The following CCDC7 variants were observed in gnomAD, a reference collection of about 807,000 sequenced individuals.
The protein encoded by CCDC7 is coiled-coil domain containing 7.
CCDC7 carries 183 observed loss-of-function variants against 196.9 expected under a neutral mutation model. The ratio of observed to expected loss-of-function variants is 0.93; its 90% CI spans 0.82 to 1.05. The LOEUF (loss-of-function observed/expected upper bound fraction) is 1.05. Ranked by LOEUF, CCDC7 falls within the 50% of genes least tolerant of loss-of-function variation. The probability of loss-of-function intolerance (pLI) is 0.00; values close to 1 mark genes in which losing one functional copy is unlikely to be tolerated. For missense variants in CCDC7, 1,540 were observed against 1,482.2 expected (o/e 1.04, Z -0.64); for synonymous variants, 525 against 484.6 (o/e 1.08, Z -1.10).
At chr10:32,477,704 G>C (rs1173732812) in intron 8 of CCDC7, among the ~76,000 whole-genome samples, 6 of 152,098 alleles carry the variant, frequency 3.9e-5, no homozygotes, top group African/African-American at 1.4e-4. Flanking sequence ...CTGTTTGCTT[G>C]TCTGTCTATT....
chr10:32,728,653 A>G (rs1210879179), intron 26 of CCDC7, among the ~76,000 whole-genome samples: 3 of 152,216 alleles, frequency 2.0e-5, no homozygotes, highest in African/African-American at 7.2e-5. Flanking sequence ...ATTATGTATT[A>G]AAGTATAAAC....
intron 28 of CCDC7, among the ~76,000 whole-genome samples, chr10:32,752,665 G>C (rs2075837154): frequency 6.6e-6 from 1 of 152,106 alleles, no homozygotes; most frequent in Non-Finnish European, 1.5e-5. Flanking sequence ...CCTGTGAAAA[G>C]TTTGCTTCTC....
chr10:32,677,918 A>T (rs1041875720), intron 21 of CCDC7, among the ~76,000 whole-genome samples: 2 of 151,828 alleles, frequency 1.3e-5, no homozygotes, highest in Non-Finnish European at 2.9e-5. Flanking sequence ...TTTGTTTCTC[A>T]TAATAAGAAA....
At chr10:32,551,286 C>T (rs1388099632) in intron 13 of CCDC7, among the ~76,000 whole-genome samples, 5 of 151,960 alleles carry the variant, frequency 3.3e-5, no homozygotes, top group Non-Finnish European at 5.9e-5. Context: ...TGGATTTTCT[C>T]TCTTCTTTTC....
chr10:32,498,140 T>C (rs144681801), intron 9 of CCDC7, among the ~76,000 whole-genome samples: 62 of 152,322 alleles, frequency 4.1e-4, no homozygotes, highest in African/African-American at 1.4e-3. Context: ...CCCTTTATGA[T>C]TATGTAATGC....
chr10:32,486,160 G>C (rs2041041463), intron 8 of CCDC7, among the ~76,000 whole-genome samples: 1 of 152,164 alleles, frequency 6.6e-6, no homozygotes, highest in East Asian at 1.9e-4. Flanking sequence ...CCAAGGACTT[G>C]CTTTATGAAT....
intron 20 of CCDC7, among the ~76,000 whole-genome samples, chr10:32,637,435 G>C (rs915490228): frequency 7.9e-5 from 12 of 152,192 alleles, no homozygotes; most frequent in Non-Finnish European, 1.6e-4. Context: ...TCCAGTTTCA[G>C]CTTTCTCCAT....
At chr10:32,756,894 G>A (rs2076554115) in intron 28 of CCDC7, among the ~76,000 whole-genome samples, 1 of 152,148 alleles carries the variant, frequency 6.6e-6, no homozygotes, top group Admixed American at 6.6e-5. Context: ...CAAAATAAAG[G>A]GATGGAGGAA....
chr10:32,677,954 G>C (rs1294341114), intron 21 of CCDC7, among the ~76,000 whole-genome samples: 4 of 151,740 alleles, frequency 2.6e-5, no homozygotes, highest in Non-Finnish European at 4.4e-5. Context: ...CTTAGAGTTT[G>C]TTGCTTTGCT....
At chr10:32,472,338 C>A in intron 6 of CCDC7, 143 bp from the exon 8 acceptor site, 2 of 685,590 alleles carry the variant, frequency 2.9e-6, no homozygotes, top group Non-Finnish European at 2.1e-6. Context: ...ACCTTAGTGT[C>A]TGTGAGTAAA....
At chr10:32,454,277 C>A (rs1442587038) in intron 2 of CCDC7, among the ~76,000 whole-genome samples, 6 of 151,850 alleles carry the variant, frequency 4.0e-5, no homozygotes, top group South Asian at 2.1e-4. Context: ...TGGTGATTAC[C>A]CAACTATTAA....
At chr10:32,802,502 T>C (rs962652679) in intron 29 of CCDC7, among the ~76,000 whole-genome samples, 2 of 152,150 alleles carry the variant, frequency 1.3e-5, no homozygotes, top group Non-Finnish European at 2.9e-5. Context: ...TAAAATTCTG[T>C]TCCTCTAGAA....
chr10:32,529,705 C>G (rs1477429361), intron 11 of CCDC7, among the ~76,000 whole-genome samples: 1 of 152,198 alleles, frequency 6.6e-6, no homozygotes, highest in South Asian at 2.1e-4. Flanking sequence ...TGAGAATTTT[C>G]TCCCATGCTG....
chr10:32,670,434 A>C (rs1290303014), intron 21 of CCDC7, among the ~76,000 whole-genome samples: 1 of 151,752 alleles, frequency 6.6e-6, no homozygotes, highest in East Asian at 1.9e-4. Flanking sequence ...GTACATGTGC[A>C]CAATGTGCAG....
chr10:32,821,166 C>G (rs541584187), intron 31 of CCDC7, among the ~76,000 whole-genome samples: 22 of 152,218 alleles, frequency 1.4e-4, no homozygotes, highest in Non-Finnish European at 2.5e-4. Context: ...TGAACAGACA[C>G]TTCTCAAAAG....
At chr10:32,623,246 T>C (rs2063601508) in intron 18 of CCDC7, among the ~76,000 whole-genome samples, 1 of 152,146 alleles carries the variant, frequency 6.6e-6, no homozygotes, top group Non-Finnish European at 1.5e-5. Context: ...AAAAGGGCCT[T>C]GTCCTTCCAA....
At chr10:32,872,316 G>A in intron 41 of CCDC7, among the ~76,000 whole-genome samples, 1 of 151,862 alleles carries the variant, frequency 6.6e-6, no homozygotes, top group Non-Finnish European at 1.5e-5. Flanking sequence ...GGCCTTCTTT[G>A]TCTCTTTTGA....
chr10:32,677,695 G>A (rs1036595648), intron 21 of CCDC7, among the ~76,000 whole-genome samples: 1 of 151,920 alleles, frequency 6.6e-6, no homozygotes, highest in African/African-American at 2.4e-5. Context: ...AATTTCTTAA[G>A]ATTCAACCTA....
chr10:32,766,225 A>AT (rs2078272319), intron 28 of CCDC7, among the ~76,000 whole-genome samples: 1 of 152,036 alleles, frequency 6.6e-6, no homozygotes, highest in South Asian at 2.1e-4. Context: ...ATAAGGAAAA[A>AT]TTGTTGCATC....
Sources: allele counts gnomAD v4.1 joint callset (sites outside exome capture counted in the v4.1 genomes callset), GRCh38; gene constraint gnomAD v4.1.1; transcripts MANE v1.5; gene names NCBI Gene and HGNC (gene_info 2026-07-23, HGNC 2026-07-21).